Variants in SRGAP1 observed in about 807,000 individuals in gnomAD.
SRGAP1 encodes SLIT-ROBO Rho GTPase-activating protein 1.
Under a neutral mutation model 121.9 loss-of-function variants are expected in SRGAP1, and 43 were observed. That is an observed-to-expected ratio of 0.35 (90% confidence interval 0.28 to 0.46). The LOEUF (loss-of-function observed/expected upper bound fraction) is 0.46, where lower values mean the gene tolerates loss of function less well. Among genes scored for constraint, SRGAP1 ranks in the 20% least tolerant of loss-of-function variants. SRGAP1 has a pLI of 1.00. For synonymous variants in SRGAP1, 447 were observed against 485.4 expected (o/e 0.92, Z 1.04); for missense variants, 1,102 against 1,350.9 (o/e 0.82, Z 2.89).
chr12:63,951,150 C>CTTT (rs1368945009), intron 1 of SRGAP1, among the ~76,000 whole-genome samples: 1 of 99,152 alleles, frequency 1.0e-5, no homozygotes, highest in Non-Finnish European at 1.9e-5. Context: ...CCATTTAGAA[C>CTTT]TCTTTTTTTT....
intron 21 of SRGAP1, among the ~76,000 whole-genome samples, chr12:64,136,180 C>T (rs533589264): frequency 7.9e-5 from 12 of 152,294 alleles, no homozygotes; most frequent in East Asian, 7.7e-4. Flanking sequence ...ATTAATACTT[C>T]GCATCCTTCA....
chr12:64,040,564 A>G (rs1593068890), intron 4 of SRGAP1, among the ~76,000 whole-genome samples: 1 of 152,198 alleles, frequency 6.6e-6, no homozygotes, highest in East Asian at 1.9e-4. Context: ...CTCAAAATAC[A>G]CAGGTTTTCG....
At chr12:63,889,833 G>C (rs903728679) in intron 1 of SRGAP1, among the ~76,000 whole-genome samples, 1 of 151,956 alleles carries the variant, frequency 6.6e-6, no homozygotes, top group South Asian at 2.1e-4. Context: ...ACTTGACCCC[G>C]GGAGGCAGCG....
chr12:64,091,797 T>A, intron 12 of SRGAP1: 1 of 858,526 alleles, frequency 1.2e-6, no homozygotes, highest in Non-Finnish European at 1.7e-6. Context: ...ATTCATTATA[T>A]TGAATGAATT....
At chr12:64,116,120 G>A (rs1433099733) in intron 18 of SRGAP1, 4 of 460,518 alleles carry the variant, frequency 8.7e-6, no homozygotes, top group African/African-American at 6.1e-5. Flanking sequence ...AGCCAGGCGT[G>A]GTGATGTGCA....
intron 3 of SRGAP1, among the ~76,000 whole-genome samples, chr12:64,008,428 A>AG (rs2034152492): frequency 6.6e-6 from 1 of 152,180 alleles, no homozygotes. Context: ...GTGACCAGTT[A>AG]ACTGGCTGTA....
At chr12:63,873,428 G>C (rs943103634) in intron 1 of SRGAP1, among the ~76,000 whole-genome samples, 1 of 151,440 alleles carries the variant, frequency 6.6e-6, no homozygotes, top group Non-Finnish European at 1.5e-5. Flanking sequence ...AGCTACTTAG[G>C]AGGCTGAGGC....
intron 3 of SRGAP1, among the ~76,000 whole-genome samples, chr12:63,997,789 T>C (rs1300070926): frequency 6.6e-6 from 1 of 152,072 alleles, no homozygotes; most frequent in African/African-American, 2.4e-5. Context: ...CCGGGTCCAA[T>C]TGAAAATTTC....
At chr12:64,097,469 C>A in intron 15 of SRGAP1, 94 bp downstream of exon 15, 1 of 1,177,002 alleles carries the variant, frequency 8.5e-7, no homozygotes, top group Non-Finnish European at 1.2e-6. Flanking sequence ...ACACCCCCAC[C>A]CCCATTACCC....
chr12:63,975,007 G>C lies in SRGAP1; in HGVS notation c.68-8940G>C, dbSNP rs2033055646. On this transcript the variant is annotated intron_variant, in intron 1 of 21. Coordinates refer to ENST00000355086, the MANE Select transcript of SRGAP1 (RefSeq NM_020762.4). ...CCTTCCTGAATGTCCCTTAAACTAA[G>C]TAGTCTGCACCATCATATCTAGAAC... 2.0e-5 allele frequency among the ~76,000 whole-genome samples: 3 copies of C among 152,148 alleles called. No homozygotes were observed. In the South Asian group the frequency reaches 6.2e-4, roughly 32 times the overall value.
At chr12:63,886,461 G>A (rs74728684) in intron 1 of SRGAP1, among the ~76,000 whole-genome samples, 13,381 of 149,502 alleles carry the variant, frequency 0.09, 812 homozygotes, top group East Asian at 0.14. Flanking sequence ...TTTTATTTTA[G>A]AAATGAACCA....
chr12:64,091,469 C>A, intron 12 of SRGAP1, 91 bp downstream of exon 12: 2 of 826,122 alleles, frequency 2.4e-6, no homozygotes, highest in South Asian at 2.1e-5. Flanking sequence ...TCATTATGTC[C>A]AAGTCTGTCC....
In SRGAP1 at chr12:64,154,379, G is replaced by A. The variant is rs2037147734; in HGVS notation, c.*11707G>A. Reference sequence around the variant, plus strand: ...GGAGCTTGGGAAGGAATGGCATGAGGGAAGTGAGAGACCACAATTAAGGAG... The same window carrying A: ...GGAGCTTGGGAAGGAATGGCATGAGAGAAGTGAGAGACCACAATTAAGGAG... On this transcript the variant is annotated 3_prime_UTR_variant, in exon 22 of 22. Transcript: ENST00000355086. The A allele has an allele frequency of 6.6e-6, 1 of 152,132 alleles. No homozygotes were observed. Among genetic ancestry groups the A allele is most frequent in the Non-Finnish European group, 1.5e-5 (1 of 68,042 alleles). 9.4% of individuals were successfully genotyped at this position (152,132 alleles called of 1,614,324 possible).
chr12:64,043,341 A>T, intron 5 of SRGAP1, 106 bp from the exon 6 acceptor site: 1 of 1,118,154 alleles, frequency 8.9e-7, no homozygotes, highest in Non-Finnish European at 1.2e-6. Context: ...TCATTTGTAT[A>T]TGTGGAATAA....
At chr12:64,060,909 A>G (rs2035439862) in intron 6 of SRGAP1, among the ~76,000 whole-genome samples, 1 of 152,186 alleles carries the variant, frequency 6.6e-6, no homozygotes, top group Admixed American at 6.5e-5. Context: ...AGCCTAGCAT[A>G]TTCCCTGGCA....
chr12:64,115,139 A>G (rs1227454535), intron 17 of SRGAP1, among the ~76,000 whole-genome samples: 2 of 152,204 alleles, frequency 1.3e-5, no homozygotes, highest in Non-Finnish European at 2.9e-5. Context: ...AGAATGACCA[A>G]TTTATATGTA....
At chr12:63,899,708 G>A (rs1900871490) in intron 1 of SRGAP1, among the ~76,000 whole-genome samples, 1 of 152,204 alleles carries the variant, frequency 6.6e-6, no homozygotes, top group African/African-American at 2.4e-5. Context: ...CATCCAGTTA[G>A]GTTACAGTTC....
rs115768768 is a variant in SRGAP1 at position 64,108,059 on chromosome 12, G to A, written c.1814-873G>A. 7.0e-3 allele frequency among the ~76,000 whole-genome samples: 1,065 copies of A among 152,230 alleles called. 16 individuals carry two copies. Among genetic ancestry groups the A allele is most frequent in the African/African-American group, 0.024 (998 of 41,530 alleles). On this transcript the variant is annotated intron_variant, in intron 15 of 21. Coordinates refer to ENST00000355086, the MANE Select transcript of SRGAP1 (RefSeq NM_020762.4). The stretch of plus-strand genomic sequence containing the variant: ...CTCATTTTCCTAATCTGATAAATGG[G>A]GATGACAGTGTGTGCCCTGCCTACT...
At chr12:63,870,533 A>AT (rs1216674448) in intron 1 of SRGAP1, among the ~76,000 whole-genome samples, 2,579 of 100,686 alleles carry the variant, frequency 0.026, 37 homozygotes, top group Non-Finnish European at 0.031. Context: ...CCCTATCTTG[A>AT]TTTTTTTTTT....
Sources: allele counts gnomAD v4.1 joint callset (sites outside exome capture counted in the v4.1 genomes callset), GRCh38; gene constraint gnomAD v4.1.1; transcripts MANE v1.5; gene names NCBI Gene and HGNC (gene_info 2026-07-23, HGNC 2026-07-21).